The following NTN4 variants were observed in gnomAD, a reference collection of about 807,000 sequenced individuals.
NTN4 encodes the protein netrin 4.
NTN4 carries 32 observed loss-of-function variants against 73.6 expected under a neutral mutation model. That is an observed-to-expected ratio of 0.44 (90% CI 0.33 to 0.58). NTN4 has a LOEUF of 0.58. Among genes scored for constraint, NTN4 ranks in the 20% least tolerant of loss-of-function variants. The pLI, the probability that NTN4 is intolerant of heterozygous loss-of-function variation, is 0.04. For missense variants in NTN4, 654 were observed against 798.3 expected (o/e 0.82, Z 2.18); for synonymous variants, 258 against 287.5 (o/e 0.90, Z 1.04).
In NTN4 at chr12:95,659,242, G is replaced by C; in HGVS notation, c.1751-20C>G. 3 of 1,595,894 alleles carry C rather than the reference G, an allele frequency of 1.9e-6. No homozygotes were observed. The highest frequency in any genetic ancestry group is 2.6e-6 in the Non-Finnish European group (3 of 1,171,392). On this transcript the variant is annotated intron_variant, in intron 9 of 9. Coordinates refer to ENST00000343702, the MANE Select transcript of NTN4 (RefSeq NM_021229.4). ...CCAAACCTAAAAAAGAACAAAATTA[G>C]GGGCTATACAGTATCATACTTTGTT...
At chr12:95,672,414 G>A in intron 7 of NTN4, 2 of 1,146,082 alleles carry the variant, frequency 1.7e-6, no homozygotes, top group Non-Finnish European at 2.6e-6. Context: ...CCACCAGGAG[G>A]TGAAGCGCAG....
rs1592724599 is a variant in NTN4, at chr12:95,789,588, C to A, written c.55+667G>T. ...ATCTGCCGACGCCGACGCCGGTTGT[C>A]CAGTTACCGAGCCAGGGAGCAGACC... On this transcript the variant is annotated intron_variant, in intron 1 of 9. Transcript: ENST00000343702. The surrounding 1 kb of genome is among the most constrained non-coding windows in gnomAD (Gnocchi z 4.0). 6.6e-6 allele frequency among the ~76,000 whole-genome samples: 1 copy of A among 152,272 alleles called. No individual in the cohort carries two copies. The highest frequency in any genetic ancestry group is 1.9e-4 in the East Asian group (1 of 5,168).
intron 2 of NTN4, among the ~76,000 whole-genome samples, chr12:95,779,082 G>T (rs535273589): frequency 6.6e-6 from 1 of 152,302 alleles, no homozygotes; most frequent in East Asian, 1.9e-4. Flanking sequence ...AGTAGATGCA[G>T]AAAAGGCCTT....
intron 5 of NTN4, among the ~76,000 whole-genome samples, chr12:95,706,293 A>AAAAC (rs10637412): frequency 0.81 from 123,115 of 151,694 alleles, 50,077 homozygotes; most frequent in South Asian, 0.86. Flanking sequence ...CAGTAACAAA[A>AAAAC]AAAACTAAAA....
At chr12:95,715,273 T>C (rs76965411) in intron 3 of NTN4, among the ~76,000 whole-genome samples, 1,925 of 152,280 alleles carry the variant, frequency 0.013, 38 homozygotes, top group African/African-American at 0.043. Flanking sequence ...TGTATTGTCA[T>C]GTAAGGTTCT....
At chr12:95,756,602 C>T (rs1224459745) in intron 2 of NTN4, among the ~76,000 whole-genome samples, 3 of 152,168 alleles carry the variant, frequency 2.0e-5, no homozygotes, top group African/African-American at 7.2e-5. Flanking sequence ...AATTTCCTAT[C>T]ACCATGCTCG....
chr12:95,666,089 G>A, intron 8 of NTN4, 109 bp from the exon 9 acceptor site: 1 of 837,948 alleles, frequency 1.2e-6, no homozygotes, highest in South Asian at 2.1e-5. Context: ...TTGATGATGA[G>A]GATGTGAAAA....
chr12:95,692,902 T>C (rs375113870), intron 5 of NTN4, among the ~76,000 whole-genome samples: 3 of 152,186 alleles, frequency 2.0e-5, no homozygotes. Flanking sequence ...AGCTGTCAGT[T>C]TTCTCATTAA....
chr12:95,748,144 T>G (rs780923519), intron 2 of NTN4, among the ~76,000 whole-genome samples: 1 of 144,382 alleles, frequency 6.9e-6, no homozygotes, highest in Non-Finnish European at 1.5e-5. Context: ...GGCAGGAGAA[T>G]CACTTGAACC....
In NTN4 at chr12:95,713,196, T is replaced by G. The variant is rs1425661839; in HGVS notation, c.991+16A>C. 1.2e-6 allele frequency: 2 copies of G among 1,607,996 alleles called. No homozygotes were observed. The highest frequency in any genetic ancestry group is 1.7e-6 in the Non-Finnish European group (2 of 1,175,226). On this transcript the variant is annotated intron_variant, in intron 4 of 9. Transcript: ENST00000343702. ...TTACAAAGAAAGCTTTTGAGTATCG[T>G]GGGCTTGTTACTTACTTCTGCACTC...
rs1592802219 is a variant in NTN4 at position 95,659,249 on chromosome 12, T to C, written c.1751-27A>G. The C allele has an allele frequency of 3.2e-6, 5 of 1,553,002 alleles. No individual in the cohort carries two copies. In the East Asian group the frequency reaches 9.1e-5, roughly 28 times the overall value. On this transcript the variant is annotated intron_variant, in intron 9 of 9. Transcript: ENST00000343702. ...TAAAAAAGAACAAAATTAGGGGCTATACAGTATCATACTTTGTTGAAGGGA... is the reference window on the plus strand; with the variant it reads ...TAAAAAAGAACAAAATTAGGGGCTACACAGTATCATACTTTGTTGAAGGGA...
At chr12:95,689,008 A>G (rs553769063) in intron 5 of NTN4, among the ~76,000 whole-genome samples, 7 of 152,160 alleles carry the variant, frequency 4.6e-5, no homozygotes, top group Non-Finnish European at 7.3e-5. Context: ...ATTAGAGCCA[A>G]GGTTCTCAAA....
chr12:95,695,513 T>C (rs557539964), intron 5 of NTN4, among the ~76,000 whole-genome samples: 7 of 152,166 alleles, frequency 4.6e-5, no homozygotes, highest in South Asian at 2.1e-4. Context: ...TACAGGTGTG[T>C]GCCACCACAC....
chr12:95,758,070 A>G (rs922877459), intron 2 of NTN4, among the ~76,000 whole-genome samples: 7 of 152,238 alleles, frequency 4.6e-5, no homozygotes, highest in Non-Finnish European at 7.3e-5. Flanking sequence ...AGTCATTATA[A>G]GCATGTAAGT....
At chr12:95,687,581 A>G (rs921957753) in intron 5 of NTN4, among the ~76,000 whole-genome samples, 5 of 151,622 alleles carry the variant, frequency 3.3e-5, no homozygotes, top group African/African-American at 1.2e-4. Context: ...TTGTATTTTT[A>G]ATAGAGATGG....
At chr12:95,664,341 A>G (rs2078162751) in intron 9 of NTN4, among the ~76,000 whole-genome samples, 1 of 152,156 alleles carries the variant, frequency 6.6e-6, no homozygotes, top group Non-Finnish European at 1.5e-5. Flanking sequence ...TACAGGCGTG[A>G]ACCACCATGC....
At chr12:95,725,734 C>T (rs190851798) in intron 3 of NTN4, among the ~76,000 whole-genome samples, 8 of 152,186 alleles carry the variant, frequency 5.3e-5, no homozygotes, top group Admixed American at 2.6e-4. Flanking sequence ...CTTTTCATAT[C>T]GGGAAATTGT....
chr12:95,694,599 T>C (rs1006756146), intron 5 of NTN4, among the ~76,000 whole-genome samples: 3 of 152,084 alleles, frequency 2.0e-5, no homozygotes, highest in African/African-American at 7.2e-5. Flanking sequence ...ATCTTTTATC[T>C]TTTTTTTCTT....
chr12:95,732,730 T>A (rs1391774418), intron 3 of NTN4, among the ~76,000 whole-genome samples: 1 of 152,162 alleles, frequency 6.6e-6, no homozygotes, highest in African/African-American at 2.4e-5. Flanking sequence ...TTTTGGCTTA[T>A]TCATAGAACA....
Sources: gnomAD v4.1 joint callset for allele counts (sites outside exome capture counted in the v4.1 genomes callset) on GRCh38, gnomAD v4.1.1 for gene constraint, Gnocchi (gnomAD v3.1) non-coding constraint, MANE v1.5 for transcripts, NCBI Gene and HGNC (gene_info 2026-07-23, HGNC 2026-07-21) for gene names.